The following ADGRD1 variants were observed in gnomAD, a reference collection of about 807,000 sequenced individuals.
The protein encoded by ADGRD1 is adhesion G protein-coupled receptor D1, also known as G-protein coupled receptor 133.
A neutral mutation model predicts 113.4 loss-of-function variants in ADGRD1; 77 were observed. The ratio of observed to expected loss-of-function variants is 0.68; its 90% CI spans 0.57 to 0.82. The LOEUF is 0.82. Among genes scored for constraint, ADGRD1 ranks in the 40% least tolerant of loss-of-function variants. The pLI is 0.00. For missense variants in ADGRD1, 1,036 were observed against 1,139.1 expected, an observed-to-expected ratio of 0.91 and a Z score of 1.30; for synonymous variants, 474 against 475.0, an observed-to-expected ratio of 1.00 and a Z score of 0.03.
intron 13 of ADGRD1, among the ~76,000 whole-genome samples, chr12:131,029,964 C>G (rs752370422): frequency 3.0e-4 from 45 of 149,408 alleles, no homozygotes; most frequent in African/African-American, 7.2e-4. Flanking sequence ...CATTCCCAGG[C>G]TCTGGGGTTA....
At chr12:131,090,117 A>G (rs1164796621) in intron 15 of ADGRD1, among the ~76,000 whole-genome samples, 1 of 152,142 alleles carries the variant, frequency 6.6e-6, no homozygotes, top group Admixed American at 6.5e-5. Context: ...GTTCCCTCTC[A>G]GTGACACTGG....
chr12:130,989,531 G>A (rs1269150241), intron 6 of ADGRD1: 2 of 152,268 alleles, frequency 1.3e-5, no homozygotes, highest in African/African-American at 4.8e-5. Flanking sequence ...CCGAGTTCAG[G>A]GCAGCCATGC....
At position 131,019,926 on chromosome 12, in the gene ADGRD1, CTCGAGGGAGATGT is replaced by C. The variant is rs1471708852; in HGVS notation, c.1473+5589_1473+5601del. Among the ~76,000 whole-genome samples the C allele has an allele frequency of 1.3e-4, 4 of 31,242 alleles. 1 individual carries two copies. The East Asian group carries it at 8.8e-3, about 69-fold the overall frequency. The allele number at this position is 31,242 out of a possible 152,430, so 20.5% of individuals were successfully genotyped here. A position where few individuals can be genotyped will look rare whatever the true frequency, so the allele number is the denominator to read the frequency against. On this transcript the variant is annotated intron_variant, in intron 13 of 24. Coordinates refer to ENST00000261654, the MANE Select transcript of ADGRD1 (RefSeq NM_198827.5). ...TGAGCTCCATCAAGGGCAGGGGGTG[CTCGAGGGAGATGT>C]TCCAGGGAAGGACCCCGAGCTCCGT...
intron 13 of ADGRD1, among the ~76,000 whole-genome samples, chr12:131,028,392 G>C (rs993860397): frequency 1.3e-5 from 2 of 151,918 alleles, no homozygotes; most frequent in African/African-American, 4.8e-5. Flanking sequence ...TCTTACACGG[G>C]GTCTTCCCTT....
intron 5 of ADGRD1, 123 bp from the exon 6 acceptor site, chr12:130,986,972 G>C (rs945907966): frequency 2.6e-6 from 2 of 756,940 alleles, no homozygotes; most frequent in Non-Finnish European, 4.4e-6. Context: ...GTATTAGGAC[G>C]CACCACAGTT....
rs1329771381 is a variant in ADGRD1, at chr12:130,992,244, C to T, written c.818C>T (p.Thr273Ile). 6.2e-7 allele frequency: 1 copy of T among 1,609,102 alleles called. No individual in the cohort carries two copies. Among genetic ancestry groups the T allele is most frequent in the Non-Finnish European group, 8.5e-7 (1 of 1,178,670 alleles). ...GTTGCCAATTTCTTTCAGATGCCCACAGATGCCTACCATCCCATCATAACC... is the reference window on the plus strand; with the variant it reads ...GTTGCCAATTTCTTTCAGATGCCCATAGATGCCTACCATCCCATCATAACC... ...MTSTASPVMP[T>I]DAYHPIITNL... The change falls in exon 8 of 25, where the codon ACA (threonine) becomes ATA (isoleucine). Residue 273 changes from threonine to isoleucine, a missense_variant. Physicochemically the swap from Thr to Ile is moderately conservative, Grantham distance 89. Coordinates refer to ENST00000261654, the MANE Select transcript of ADGRD1 (RefSeq NM_198827.5).
At chr12:131,087,350 C>G (rs561697241) in intron 15 of ADGRD1, among the ~76,000 whole-genome samples, 1 of 152,236 alleles carries the variant, frequency 6.6e-6, no homozygotes, top group East Asian at 1.9e-4. Context: ...CCTAGACCTA[C>G]GTGCTTTGGA....
At chr12:130,974,301 C>T (rs1182493009) in intron 4 of ADGRD1, among the ~76,000 whole-genome samples, 5 of 152,056 alleles carry the variant, frequency 3.3e-5, no homozygotes, top group African/African-American at 7.2e-5. Context: ...CCTGGAGCAA[C>T]TAAAACAAAA....
intron 13 of ADGRD1, among the ~76,000 whole-genome samples, chr12:131,051,964 A>G (rs1219623486): frequency 6.6e-6 from 1 of 152,224 alleles, no homozygotes; most frequent in Non-Finnish European, 1.5e-5. Context: ...CCAAACTCGC[A>G]TCTCCCTGCT....
Position 131,123,088 on chromosome 12 carries a change from G to A in ADGRD1, c.2175+2175G>A, listed in dbSNP as rs1313263232. Among the ~76,000 whole-genome samples, 7 of 76,302 alleles carry A rather than the reference G, an allele frequency of 9.2e-5. No individual in the cohort carries two copies. The South Asian group carries it at 1.2e-3, about 13-fold the overall frequency. 50.1% of individuals were successfully genotyped at this position (76,302 alleles called of 152,430 possible). On this transcript the variant is annotated intron_variant, in intron 20 of 24. Coordinates refer to ENST00000261654, the MANE Select transcript of ADGRD1 (RefSeq NM_198827.5). ...TTTTTTTTTTTGCGACAGAGTCTTC[G>A]CTCTGTCGCCCAGGCTGGAGTGCAG...
At chr12:131,090,928 T>C (rs748837414) in intron 15 of ADGRD1, among the ~76,000 whole-genome samples, 70 of 152,202 alleles carry the variant, frequency 4.6e-4, no homozygotes, top group Admixed American at 1.1e-3. Flanking sequence ...CAAGAATGGG[T>C]AGCTTTGCTT....
intron 13 of ADGRD1, among the ~76,000 whole-genome samples, chr12:131,016,852 CA>C (rs1189990814): frequency 6.6e-6 from 1 of 150,456 alleles, no homozygotes; most frequent in African/African-American, 2.5e-5. Context: ...GAGATCGGGC[CA>C]GTGCGTTCCA....
rs747081428 is a variant in ADGRD1, at chr12:130,984,926, C to CTTCTCTCT, written c.491-2156_491-2149dup. 6.7e-6 allele frequency among the ~76,000 whole-genome samples: 1 copy of CTTCTCTCT among 150,088 alleles called. No individual in the cohort carries two copies. The highest frequency in any genetic ancestry group is 6.7e-5 in the Admixed American group (1 of 14,968). On this transcript the variant is annotated intron_variant, in intron 5 of 24. Coordinates refer to ENST00000261654, the MANE Select transcript of ADGRD1 (RefSeq NM_198827.5). This position sits in a 1 kb window ranked among gnomAD's most constrained non-coding sequence, Gnocchi z 4.1. ...CTCTCTCTCACTCTCTCTCTCCTCT[C>CTTCTCTCT]TTCTCTCTTTCTCTCTTTCTTTCTT...
chr12:131,083,337 C>A (rs988744907), intron 14 of ADGRD1, among the ~76,000 whole-genome samples: 3 of 151,624 alleles, frequency 2.0e-5, no homozygotes, highest in African/African-American at 7.3e-5. Context: ...TACAGTGGCT[C>A]ACGCCTATAA....
In ADGRD1 at chr12:131,014,286, G is replaced by T. The variant is rs145450962; in HGVS notation, c.1419G>T (p.Leu473=). Residue 473 remains leucine, a synonymous_variant, in exon 13 of 25, where the codon CTG becomes CTT. Coordinates refer to ENST00000261654, the MANE Select transcript of ADGRD1 (RefSeq NM_198827.5). ...TGGAGGTGTCCCCACCACCCACCCT[G>T]TCTCAGAACCTGTCGGGCTCTCCAC... is the stretch of plus-strand genomic sequence containing the variant. ...ISLEVSPPPT[L]SQNLSGSPLI... 18 of 1,614,120 alleles carry T rather than the reference G, an allele frequency of 1.1e-5. No homozygotes were observed. In the African/African-American group the frequency reaches 2.3e-4, roughly 20 times the overall value.
chr12:131,128,176 G>A (rs2701627), intron 20 of ADGRD1, among the ~76,000 whole-genome samples: 22,786 of 142,194 alleles, frequency 0.16, 2,324 homozygotes, highest in Non-Finnish European at 0.22. Context: ...GGTGTTGATT[G>A]TGTTGGTTGT....
rs988030421 is a variant in ADGRD1, at chr12:131,060,062, C to T, written c.1474-16739C>T. On this transcript the variant is annotated intron_variant, in intron 13 of 24. Transcript: ENST00000261654. The surrounding 1 kb of genome is among the most constrained non-coding windows in gnomAD (Gnocchi z 4.4). ...GGAAGGGCCATGTGCCGCAGTACTG[C>T]GGCGTGGGGGTGAAAGTCCGAGTGC... Among the ~76,000 whole-genome samples the T allele has an allele frequency of 1.3e-5, 2 of 152,270 alleles. No individual in the cohort carries two copies. The highest frequency in any genetic ancestry group is 2.4e-5 in the African/African-American group (1 of 41,486).
intron 13 of ADGRD1, among the ~76,000 whole-genome samples, chr12:131,018,860 G>A (rs578101631): frequency 2.0e-5 from 3 of 152,288 alleles, no homozygotes; most frequent in East Asian, 1.9e-4. Context: ...AGACTGAGGT[G>A]TTTGAGAGGG....
In ADGRD1 at chr12:130,965,788, C is replaced by T. The variant is rs904930943; in HGVS notation, c.104-675C>T. On this transcript the variant is annotated intron_variant, in intron 2 of 24. Transcript: ENST00000261654. The surrounding 1 kb of genome is among the most constrained non-coding windows in gnomAD (Gnocchi z 4.8). ...ATGTTTACTCAAAGTATAAGGATCA[C>T]GAAGGAAATTTCAAACTGAGTAATG... is the stretch of plus-strand genomic sequence containing the variant. Among the ~76,000 whole-genome samples the T allele has an allele frequency of 5.9e-5, 9 of 152,204 alleles. No individual in the cohort carries two copies. The highest frequency in any genetic ancestry group is 3.4e-3 in the Middle Eastern group (1 of 294).
Sources: allele counts gnomAD v4.1 joint callset (sites outside exome capture counted in the v4.1 genomes callset), GRCh38; gene constraint gnomAD v4.1.1; non-coding constraint Gnocchi (gnomAD v3.1); transcripts MANE v1.5; gene names NCBI Gene and HGNC (gene_info 2026-07-23, HGNC 2026-07-21).